Variants in ABLIM3 observed in about 807,000 individuals in gnomAD.
ABLIM3 encodes the protein actin binding LIM protein family member 3.
In ABLIM3, 61 loss-of-function variants were observed where a neutral mutation model predicts 109.5. That is an observed-to-expected ratio of 0.56 (90% CI 0.45 to 0.69). The LOEUF is 0.69. Among genes scored for constraint, ABLIM3 ranks in the 30% least tolerant of loss-of-function variants. ABLIM3 has a pLI of 0.00. For synonymous variants in ABLIM3, 300 were observed against 324.8 expected (o/e 0.92, Z 0.82); for missense variants, 796 against 889.5 (o/e 0.89, Z 1.34).
intron 3 of ABLIM3, among the ~76,000 whole-genome samples, chr5:149,188,067 C>T (rs890688360): frequency 7.2e-5 from 11 of 152,142 alleles, no homozygotes; most frequent in Non-Finnish European, 1.3e-4. Flanking sequence ...TTTGCAGCAC[C>T]GAAATTTTAT....
intron 8 of ABLIM3, among the ~76,000 whole-genome samples, chr5:149,225,884 T>C (rs1042989255): frequency 6.7e-6 from 1 of 150,112 alleles, no homozygotes; most frequent in African/African-American, 2.5e-5. Context: ...ATGCCATTAT[T>C]TTGTTTCCTT....
rs536332589 is a variant in ABLIM3, at chr5:149,251,360, C to T, written c.1790C>T (p.Thr597Ile). 6.2e-7 allele frequency: 1 copy of T among 1,614,142 alleles called. No homozygotes were observed. The change falls in exon 21 of 24, where the codon ACA becomes ATA. Residue 597 changes from threonine (T) to isoleucine (I), a missense_variant and splice_region_variant. By Grantham distance (89) the Thr-to-Ile change is moderately conservative (BLOSUM62 -1). Transcript: ENST00000309868. ...GCCGTGGTTCTGTCTCTTCTGCAGA[C>T]ACCCAGCGCAGACCTCTTCCACTAC... ...PAYRRNGLHR[T>I]PSADLFHYDS...
chr5:149,233,711 G>T (rs1270608861), intron 10 of ABLIM3, among the ~76,000 whole-genome samples: 1 of 152,168 alleles, frequency 6.6e-6, no homozygotes, highest in East Asian at 1.9e-4. Flanking sequence ...GATAGTGGTG[G>T]GTGATAAAGA....
intron 3 of ABLIM3, 21 bp downstream of exon 3, chr5:149,183,610 A>T: frequency 6.6e-7 from 1 of 1,504,904 alleles, no homozygotes; most frequent in Middle Eastern, 1.8e-4. Context: ...CAGCTCCCCC[A>T]CTCTCTTCTT....
At chr5:149,174,060 G>A (rs1008773062) in intron 2 of ABLIM3, among the ~76,000 whole-genome samples, 1 of 149,692 alleles carries the variant, frequency 6.7e-6, no homozygotes, top group Non-Finnish European at 1.5e-5. Flanking sequence ...TAGGAACCAT[G>A]GTGATCTGCA....
At chr5:149,157,350 C>T (rs1444954793) in intron 2 of ABLIM3, among the ~76,000 whole-genome samples, 1 of 152,168 alleles carries the variant, frequency 6.6e-6, no homozygotes, top group Non-Finnish European at 1.5e-5. Context: ...TCCCCCTTTG[C>T]TCCCGATTCA....
Position 149,259,507 on chromosome 5 carries a change from G to A in ABLIM3, c.*1103G>A. 6.5e-7 allele frequency: 1 copy of A among 1,536,202 alleles called. No homozygotes were observed. The highest frequency in any genetic ancestry group is 1.2e-5 in the South Asian group (1 of 84,062). On this transcript the variant is annotated 3_prime_UTR_variant, in exon 24 of 24. Transcript: ENST00000309868. ...GGGCAACCATACCATACCCCCGCCA[G>A]TCCTCGGCTCCTGCTGCAAAGTTGG...
At position 149,246,498 on chromosome 5, in the gene ABLIM3, G is replaced by A. The variant is rs1753371189; in HGVS notation, c.1503G>A (p.Arg501=). The change falls in exon 17 of 24, where the codon AGG becomes AGA. Residue 501 remains arginine (R), a synonymous_variant. Transcript: ENST00000309868. The part of the protein sequence containing the change: ...HGSPKVPRAR[R]FSSGGEEDDF... ...TTTTGACAGTGCCCCGAGCCAGAAG[G>A]TTCTCGTCTGGAGGAGAGGAGGATG... is the stretch of plus-strand genomic sequence containing the variant. 4.3e-6 allele frequency: 7 copies of A among 1,614,020 alleles called. No homozygotes were observed. Among genetic ancestry groups the A allele is most frequent in the Non-Finnish European group, 5.1e-6 (6 of 1,180,028 alleles).
intron 23 of ABLIM3, among the ~76,000 whole-genome samples, chr5:149,254,216 T>G (rs1026012661): frequency 5.9e-5 from 9 of 152,096 alleles, no homozygotes; most frequent in African/African-American, 1.9e-4. Flanking sequence ...CCAGCCTCCT[T>G]GCTCCTCAGG....
In ABLIM3 at chr5:149,244,971, A is replaced by G. The variant is rs772390412; in HGVS notation, c.1442A>G (p.Tyr481Cys). 11 of 1,614,116 alleles carry G rather than the reference A, an allele frequency of 6.8e-6. No individual in the cohort carries two copies. The South Asian group carries it at 1.1e-4, about 16-fold the overall frequency. Reference sequence around the variant, plus strand: ...CCCATCTACTCGCCAGACCCCTACTATGCTTCGGAGTCTGAGTACTGGACC... The same window carrying G: ...CCCATCTACTCGCCAGACCCCTACTGTGCTTCGGAGTCTGAGTACTGGACC... ...YSPIYSPDPY[Y>C]ASESEYWTYH... Residue 481 changes from tyrosine (Y) to cysteine (C), a missense_variant, in exon 16 of 24, where the codon TAT becomes TGT. By Grantham distance (194) the Tyr-to-Cys change is radical (BLOSUM62 -2). Transcript: ENST00000309868.
chr5:149,152,328 C>G (rs900369104), intron 2 of ABLIM3, among the ~76,000 whole-genome samples: 2 of 152,172 alleles, frequency 1.3e-5, no homozygotes, highest in Non-Finnish European at 2.9e-5. Context: ...ATTCTTCACA[C>G]AGAGATGTGG....
At chr5:149,142,156 G>T in intron 2 of ABLIM3, 48 bp downstream of exon 2, 1 of 1,578,268 alleles carries the variant, frequency 6.3e-7, no homozygotes, top group Non-Finnish European at 8.7e-7. Flanking sequence ...GGTGGGGGCG[G>T]GAGGTGAGGG....
intron 2 of ABLIM3, among the ~76,000 whole-genome samples, chr5:149,150,430 T>C (rs540360216): frequency 6.6e-6 from 1 of 152,304 alleles, no homozygotes; most frequent in African/African-American, 2.4e-5. Context: ...GAAGCAGTTG[T>C]TGACAGATGA....
Position 149,198,594 on chromosome 5 carries a change from A to G in ABLIM3, c.335+192A>G, listed in dbSNP as rs937112815. Among the ~76,000 whole-genome samples, 3 of 152,222 alleles carry G rather than the reference A, an allele frequency of 2.0e-5. No homozygotes were observed. The highest frequency in any genetic ancestry group is 7.2e-5 in the African/African-American group (3 of 41,450). ...ACTGTAGCATCTGAATCTTTCTTAT[A>G]AAATACAATCTGATCTAAAACACTG... On this transcript the variant is annotated intron_variant, in intron 4 of 23. Transcript: ENST00000309868. The surrounding 1 kb of genome is among the most constrained non-coding windows in gnomAD (Gnocchi z 4.2).
chr5:149,187,303 A>G (rs758047861), intron 3 of ABLIM3, among the ~76,000 whole-genome samples: 43 of 152,234 alleles, frequency 2.8e-4, no homozygotes, highest in Non-Finnish European at 4.6e-4. Context: ...GTAAAACCTC[A>G]GATCATCAAA....
chr5:149,253,105 C>G (rs1005516291), intron 23 of ABLIM3, among the ~76,000 whole-genome samples: 1 of 152,052 alleles, frequency 6.6e-6, no homozygotes, highest in African/African-American at 2.4e-5. Context: ...CCATGCTGTT[C>G]TTTGCTGCCT....
At chr5:149,243,249 A>G (rs1753034445) in intron 15 of ABLIM3, 1 of 152,306 alleles carries the variant, frequency 6.6e-6, no homozygotes, top group African/African-American at 2.4e-5. Flanking sequence ...AATCTGCACT[A>G]TAACTGGCTT....
At chr5:149,209,083 C>T (rs1363029904) in intron 6 of ABLIM3, among the ~76,000 whole-genome samples, 3 of 152,180 alleles carry the variant, frequency 2.0e-5, no homozygotes, top group African/African-American at 7.2e-5. Context: ...GTCACATCAC[C>T]GAGAGCTCTC....
chr5:149,200,847 C>T (rs929139270), intron 5 of ABLIM3, among the ~76,000 whole-genome samples: 1 of 152,158 alleles, frequency 6.6e-6, no homozygotes, highest in Non-Finnish European at 1.5e-5. Flanking sequence ...GAGCAAACCA[C>T]AAGAGCTGTG....
Sources: allele counts gnomAD v4.1 joint callset (sites outside exome capture counted in the v4.1 genomes callset), GRCh38; gene constraint gnomAD v4.1.1; non-coding constraint Gnocchi (gnomAD v3.1); transcripts MANE v1.5; gene names NCBI Gene and HGNC (gene_info 2026-07-23, HGNC 2026-07-21).